ERC2: variants seen among roughly 807,000 people sequenced by gnomAD.
ERC2 encodes the protein ELKS/RAB6-interacting/CAST family member 2, also known as ERC protein 2.
Under a neutral mutation model 114.8 loss-of-function variants are expected in ERC2, and 42 were observed. That is an observed-to-expected ratio of 0.37 (90% CI 0.29 to 0.47). The LOEUF is 0.47. ERC2 is among the 20% of genes least tolerant of loss of function. The probability of loss-of-function intolerance (pLI) is 0.99; values close to 1 mark genes in which losing one functional copy is unlikely to be tolerated. For synonymous variants in ERC2, 454 were observed against 425.5 expected (o/e 1.07, Z -0.82); for missense variants, 939 against 1,150.7 (o/e 0.82, Z 2.66).
intron 2 of ERC2, among the ~76,000 whole-genome samples, chr3:56,334,604 C>T (rs2057770411): frequency 6.6e-6 from 1 of 152,010 alleles, no homozygotes; most frequent in South Asian, 2.1e-4. Flanking sequence ...ATAGGGAAAA[C>T]AAAACAAAAC....
intron 2 of ERC2, among the ~76,000 whole-genome samples, chr3:56,311,556 T>C (rs947915863): frequency 1.7e-4 from 26 of 151,726 alleles, no homozygotes; most frequent in African/African-American, 5.3e-4. Flanking sequence ...GCCTCGGCCT[T>C]CTAAAGTGAT....
intron 14 of ERC2, among the ~76,000 whole-genome samples, chr3:55,870,709 T>G (rs2062544544): frequency 6.6e-6 from 1 of 152,130 alleles, no homozygotes; most frequent in Non-Finnish European, 1.5e-5. Flanking sequence ...CCCAGGGGGC[T>G]AAGGAGCCCA....
chr3:55,944,090 G>C (rs1035085168), intron 13 of ERC2, among the ~76,000 whole-genome samples: 1 of 152,142 alleles, frequency 6.6e-6, no homozygotes, highest in Non-Finnish European at 1.5e-5. Context: ...AAATAAATAA[G>C]AGATGACTAT....
intron 1 of ERC2, among the ~76,000 whole-genome samples, chr3:56,437,335 G>A (rs1021605999): frequency 3.9e-5 from 6 of 152,216 alleles, no homozygotes; most frequent in Middle Eastern, 3.2e-3. Context: ...ACTGCCCAGC[G>A]GGGCATGAGC....
chr3:56,295,791 T>C (rs138070865), intron 3 of ERC2, among the ~76,000 whole-genome samples: 3 of 152,326 alleles, frequency 2.0e-5, no homozygotes, highest in African/African-American at 4.8e-5. Flanking sequence ...GTCCTGTATA[T>C]GCTTGGATCG....
intron 2 of ERC2, among the ~76,000 whole-genome samples, chr3:56,340,808 ATAAG>A (rs2058060541): frequency 6.6e-6 from 1 of 152,214 alleles, no homozygotes; most frequent in Non-Finnish European, 1.5e-5. Context: ...ATTTATAGTT[ATAAG>A]TATCTCCTTC....
At chr3:56,134,910 C>G (rs1002305998) in intron 6 of ERC2, among the ~76,000 whole-genome samples, 3 of 114,164 alleles carry the variant, frequency 2.6e-5, no homozygotes, top group Non-Finnish European at 5.9e-5. Context: ...AAATCTCTCT[C>G]TTTTTTTTTG....
At chr3:56,101,627 C>G (rs952382700) in intron 6 of ERC2, among the ~76,000 whole-genome samples, 13 of 152,108 alleles carry the variant, frequency 8.5e-5, no homozygotes, top group African/African-American at 3.1e-4. Context: ...CAGAATAGCC[C>G]AGAAACTGAA....
At chr3:56,093,960 G>A (rs1362138332) in intron 6 of ERC2, among the ~76,000 whole-genome samples, 2 of 152,160 alleles carry the variant, frequency 1.3e-5, no homozygotes, top group Non-Finnish European at 2.9e-5. Context: ...GCAGACTTGG[G>A]AAACATTGTG....
At chr3:56,378,029 G>C (rs1174385906) in intron 2 of ERC2, among the ~76,000 whole-genome samples, 1 of 152,120 alleles carries the variant, frequency 6.6e-6, no homozygotes, top group Non-Finnish European at 1.5e-5. Flanking sequence ...CAATCTTCTT[G>C]AAGGGAGCAG....
intron 14 of ERC2, among the ~76,000 whole-genome samples, chr3:55,826,100 C>T (rs2060316984): frequency 6.6e-6 from 1 of 152,088 alleles, no homozygotes; most frequent in Non-Finnish European, 1.5e-5. Flanking sequence ...TCACAGAGTC[C>T]TTGGTATCTC....
intron 3 of ERC2, among the ~76,000 whole-genome samples, chr3:56,260,174 C>T (rs1371667574): frequency 1.3e-5 from 2 of 152,212 alleles, no homozygotes; most frequent in African/African-American, 4.8e-5. Flanking sequence ...TTTGCTCCCT[C>T]AGTCCACTTG....
chr3:56,284,293 A>C (rs951097693), intron 3 of ERC2, among the ~76,000 whole-genome samples: 10 of 152,246 alleles, frequency 6.6e-5, no homozygotes, highest in Non-Finnish European at 1.5e-4. Context: ...ATGTGAGTTC[A>C]GATTTTTAAC....
At chr3:55,848,123 C>A (rs1421293964) in intron 14 of ERC2, among the ~76,000 whole-genome samples, 1 of 152,046 alleles carries the variant, frequency 6.6e-6, no homozygotes, top group Non-Finnish European at 1.5e-5. Flanking sequence ...TGAAAAAAAA[C>A]AAAACGTAAC....
At chr3:55,832,922 T>C (rs1276827129) in intron 14 of ERC2, among the ~76,000 whole-genome samples, 4 of 152,022 alleles carry the variant, frequency 2.6e-5, no homozygotes, top group Admixed American at 6.5e-5. Context: ...AAGGAGCTGA[T>C]GGAGCTGAAA....
intron 2 of ERC2, among the ~76,000 whole-genome samples, chr3:56,400,168 T>C (rs2060468284): frequency 6.6e-6 from 1 of 152,148 alleles, no homozygotes; most frequent in Non-Finnish European, 1.5e-5. Flanking sequence ...CCTTATCTTT[T>C]ATAGATAGAG....
At chr3:55,989,205 AG>A (rs1355837296) in intron 11 of ERC2, among the ~76,000 whole-genome samples, 1 of 152,246 alleles carries the variant, frequency 6.6e-6, no homozygotes, top group African/African-American at 2.4e-5. Context: ...GCAGAGATAA[AG>A]AAAATGTGCA....
At chr3:56,164,386 T>A (rs2082214798) in intron 4 of ERC2, among the ~76,000 whole-genome samples, 1 of 152,096 alleles carries the variant, frequency 6.6e-6, no homozygotes, top group East Asian at 1.9e-4. Context: ...TTTAGCATAA[T>A]GTTTTCAAGG....
intron 6 of ERC2, among the ~76,000 whole-genome samples, chr3:56,122,762 C>G (rs572025366): frequency 6.6e-6 from 1 of 152,178 alleles, no homozygotes; most frequent in Admixed American, 6.5e-5. Flanking sequence ...GAAAAATGCC[C>G]GAATGCCCGT....
Sources: gnomAD v4.1 joint callset for allele counts (sites outside exome capture counted in the v4.1 genomes callset) on GRCh38, gnomAD v4.1.1 for gene constraint, MANE v1.5 for transcripts, NCBI Gene and HGNC (gene_info 2026-07-23, HGNC 2026-07-21) for gene names.